Variants in MAGEA8 observed in about 807,000 individuals in gnomAD.
The protein encoded by MAGEA8 is melanoma-associated antigen 8.
For missense variants in MAGEA8, 229 were observed against 251.1 expected (o/e 0.91, Z 0.59); for synonymous variants, 104 against 102.6 (o/e 1.01, Z -0.08).
chrX:149,884,096 G>T lies in MAGEA8; in HGVS notation c.-102G>T. The T allele has an allele frequency of 2.3e-6, 1 of 430,384 alleles. No individual in the cohort carries two copies. 35.5% of individuals were successfully genotyped at this position (430,384 alleles called of 1,213,427 possible). On this transcript the variant is annotated 5_prime_UTR_variant, in exon 2 of 3. In the 5' UTR this introduces an upstream ATG that the reference lacks. Coordinates refer to ENST00000286482, the MANE Select transcript of MAGEA8 (RefSeq NM_005364.5). ...AGGTTCGCAGAGAACAGGCCAGCCA[G>T]GAGGTCAGGAGGCCCCAGAGAAGCA...
At position 149,884,725 on chromosome X, in the gene MAGEA8, T is replaced by C; in HGVS notation, c.453T>C (p.Pro151=). 8.3e-7 allele frequency: 1 copy of C among 1,211,656 alleles called. No individual in the cohort carries two copies. Among genetic ancestry groups the C allele is most frequent in the South Asian group, 1.8e-5 (1 of 56,967 alleles). Reference sequence around the variant, plus strand: ...TCAAAAATTACAAGAACCACTTTCCTGATATCTTCAGCAAAGCCTCTGAGT... The same window carrying C: ...TCAAAAATTACAAGAACCACTTTCCCGATATCTTCAGCAAAGCCTCTGAGT... ...SVIKNYKNHF[P]DIFSKASECM... The change falls in exon 3 of 3, where the codon CCT becomes CCC. Residue 151 remains proline, a synonymous_variant. Transcript: ENST00000286482.
rs143187496 is a variant in MAGEA8, at chrX:149,885,174, G to A, written c.902G>A (p.Arg301His). ...GTGGTCAGGGTCAATGCAAGAGTTCGCATTTCCTACCCATCCCTGCATGAA... is the reference window on the plus strand; with the variant it reads ...GTGGTCAGGGTCAATGCAAGAGTTCACATTTCCTACCCATCCCTGCATGAA... ...EHVVRVNARV[R>H]ISYPSLHEEA... The change falls in exon 3 of 3, where the codon CGC (arginine) becomes CAC (histidine). Residue 301 changes from arginine (R) to histidine (H), a missense_variant. By Grantham distance (29) the Arg-to-His change is conservative. Transcript: ENST00000286482. 58 of 1,205,546 alleles carry A rather than the reference G, an allele frequency of 4.8e-5. No homozygotes were observed. The highest frequency in any genetic ancestry group is 4.7e-4 in the South Asian group (26 of 55,804).
rs782817898 is a variant in MAGEA8 at position 149,885,229 on chromosome X, A to G, written c.957A>G (p.Ter319TrpextTer42). Reference sequence around the variant, plus strand: ...CTTTGGGAGAGGAGAAAGGAGTTTGAGCAGGAGTTGCAGCTAGGGCCAGTG... The same window carrying G: ...CTTTGGGAGAGGAGAAAGGAGTTTGGGCAGGAGTTGCAGCTAGGGCCAGTG... ...EEALGEEKGV* is the reference protein window; with the variant it reads ...EEALGEEKGVW Residue 319 changes from the stop codon to tryptophan, a stop_lost, in exon 3 of 3, where the codon TGA (stop) becomes TGG (tryptophan). Coordinates refer to ENST00000286482, the MANE Select transcript of MAGEA8 (RefSeq NM_005364.5). The G allele has an allele frequency of 8.5e-7, 1 of 1,178,749 alleles. No individual in the cohort carries two copies.
In MAGEA8 at chrX:149,885,303, C is replaced by A; in HGVS notation, c.*74C>A. The A allele has an allele frequency of 1.3e-6, 1 of 749,232 alleles. No homozygotes were observed. The highest frequency in any genetic ancestry group is 2.0e-6 in the Non-Finnish European group (1 of 503,583). The allele number at this position is 749,232 out of a possible 1,213,427, so 61.7% of individuals were successfully genotyped here. A position where few individuals can be genotyped will look rare whatever the true frequency, so the allele number is the denominator to read the frequency against. On this transcript the variant is annotated 3_prime_UTR_variant, in exon 3 of 3. Coordinates refer to ENST00000286482, the MANE Select transcript of MAGEA8 (RefSeq NM_005364.5). Reference sequence around the variant, plus strand: ...GCCAGTGCACGTTCCAGGGCCACATCCACCACTTTCCCTGCTCTGTTACAT... The same window carrying A: ...GCCAGTGCACGTTCCAGGGCCACATACACCACTTTCCCTGCTCTGTTACAT...
intron 1 of MAGEA8, chrX:149,882,927 A>G (rs1171069578): frequency 1.8e-5 from 2 of 111,348 alleles, no homozygotes; most frequent in Admixed American, 9.4e-5. Context: ...ATCTCAGGGA[A>G]GTGAGGACCT....
intron 1 of MAGEA8, among the ~76,000 whole-genome samples, chrX:149,882,372 T>A (rs998337199): frequency 7.2e-5 from 8 of 111,451 alleles, no homozygotes; most frequent in Admixed American, 1.9e-4. Flanking sequence ...ACCTACTACT[T>A]CTGTCAGCCG....
intron 1 of MAGEA8, among the ~76,000 whole-genome samples, chrX:149,882,801 C>T (rs1310774913): frequency 9.1e-6 from 1 of 110,458 alleles, no homozygotes; most frequent in African/African-American, 3.3e-5. Flanking sequence ...ATGAATAACC[C>T]CCTGAAGACC....
chrX:149,882,445 G>T (rs1007678094), intron 1 of MAGEA8, among the ~76,000 whole-genome samples: 11 of 111,583 alleles, frequency 9.9e-5, no homozygotes, highest in Non-Finnish European at 2.1e-4. Flanking sequence ...GGGTCTCAGG[G>T]AGGTAGCAAC....
rs782766025 is a variant in MAGEA8, at chrX:149,884,410, C to G, written c.138C>G (p.Ile46Met). Reference sequence around the variant, plus strand: ...CTGCATCCTCCTCCTCTACTCTGATCATGGGAACCCTTGAGGAGGTGACTG... The same window carrying G: ...CTGCATCCTCCTCCTCTACTCTGATGATGGGAACCCTTGAGGAGGTGACTG... ...QKAASSSSTL[I>M]MGTLEEVTDS... The change falls in exon 3 of 3, where the codon ATC becomes ATG. Residue 46 changes from isoleucine to methionine, a missense_variant. Physicochemically the swap from Ile to Met is conservative, Grantham distance 10. Coordinates refer to ENST00000286482, the MANE Select transcript of MAGEA8 (RefSeq NM_005364.5). The G allele has an allele frequency of 8.3e-7, 1 of 1,209,595 alleles. No homozygotes were observed. Among genetic ancestry groups the G allele is most frequent in the South Asian group, 1.8e-5 (1 of 56,733 alleles).
rs2090758719 is a variant in MAGEA8, at chrX:149,885,726, T to C, written c.*497T>C. On this transcript the variant is annotated 3_prime_UTR_variant, in exon 3 of 3. Coordinates refer to ENST00000286482, the MANE Select transcript of MAGEA8 (RefSeq NM_005364.5). ...ATAAAGACATAAAGAAATTAAACAA[T>C]AGTTAATTCTTGCCTTACCTGTACC... 6.7e-6 allele frequency: 1 copy of C among 149,338 alleles called. No homozygotes were observed. Among genetic ancestry groups the C allele is most frequent in the African/African-American group, 3.1e-5 (1 of 32,202 alleles). 12.3% of individuals were successfully genotyped at this position (149,338 alleles called of 1,213,427 possible). A position where few individuals can be genotyped will look rare whatever the true frequency, so the allele number is the denominator to read the frequency against.
In MAGEA8 at chrX:149,885,088, C is replaced by T. The variant is rs45497502; in HGVS notation, c.816C>T (p.Tyr272=). 7 of 1,211,672 alleles carry T rather than the reference C, an allele frequency of 5.8e-6. No individual in the cohort carries two copies. Among genetic ancestry groups the T allele is most frequent in the Admixed American group, 2.2e-5 (1 of 46,080 alleles). ...CGCCCGGCAGTGATCCTGTGCGCTACGAGTTCCTGTGGGGTCCAAGGGCCC... is the reference window on the plus strand; with the variant it reads ...CGCCCGGCAGTGATCCTGTGCGCTATGAGTTCCTGTGGGGTCCAAGGGCCC... ...RQAPGSDPVR[Y]EFLWGPRALA... is the part of the protein sequence containing the mutation. Residue 272 remains tyrosine, a synonymous_variant, in exon 3 of 3, where the codon TAC becomes TAT. Transcript: ENST00000286482.
Position 149,885,589 on chromosome X carries a change from C to CT in MAGEA8, c.*364dup. Reference sequence around the variant, plus strand: ...ATATAGTTTAGGAGTAAGAGTCTTGCTTTTCATTTATACTGGGAAACCCAT... The same window carrying CT: ...ATATAGTTTAGGAGTAAGAGTCTTGCTTTTTCATTTATACTGGGAAACCCAT... On this transcript the variant is annotated 3_prime_UTR_variant, in exon 3 of 3. Coordinates refer to ENST00000286482, the MANE Select transcript of MAGEA8 (RefSeq NM_005364.5). 3.4e-6 allele frequency: 1 copy of CT among 297,034 alleles called. No individual in the cohort carries two copies. 24.5% of individuals were successfully genotyped at this position (297,034 alleles called of 1,213,427 possible). A position where few individuals can be genotyped will look rare whatever the true frequency, so the allele number is the denominator to read the frequency against.
At chrX:149,882,114 T>C (rs1436071718) in intron 1 of MAGEA8, among the ~76,000 whole-genome samples, 1 of 110,091 alleles carries the variant, frequency 9.1e-6, no homozygotes, top group Non-Finnish European at 1.9e-5. Context: ...CCAGAGCCCT[T>C]AAGGAGGACT....
At chrX:149,881,673 T>TGGCGGCCGGGCATGGCGGC (rs1557370550) in intron 1 of MAGEA8, among the ~76,000 whole-genome samples, 5 of 65,854 alleles carry the variant, frequency 7.6e-5, no homozygotes, top group African/African-American at 2.3e-4. Flanking sequence ...GCGGCCGGGC[T>TGGCGGCCGGGCATGGCGGC]CGCTGATTCT....
chrX:149,882,141 A>G (rs188488293), intron 1 of MAGEA8, among the ~76,000 whole-genome samples: 7 of 110,410 alleles, frequency 6.3e-5, no homozygotes, highest in Non-Finnish European at 1.3e-4. Context: ...ACCTCCCATC[A>G]TGGCCTAGGA....
rs782418285 is a variant in MAGEA8, at chrX:149,884,620, G to A, written c.348G>A (p.Val116=). ...TCCGGGAAGCACTTGATGAGAAAGT[G>A]GCTGAGTTAGTTCGTTTCCTGCTCC... ...SLFREALDEK[V]AELVRFLLRK... Residue 116 remains valine (V), a synonymous_variant, in exon 3 of 3, where the codon GTG becomes GTA. Transcript: ENST00000286482. The A allele has an allele frequency of 1.9e-5, 23 of 1,209,530 alleles. No individual in the cohort carries two copies. In the Admixed American group the frequency reaches 5.0e-4, roughly 26 times the overall value.
In MAGEA8 at chrX:149,884,731, C is replaced by T; in HGVS notation, c.459C>T (p.Ile153=). 8.3e-7 allele frequency: 1 copy of T among 1,211,267 alleles called. No homozygotes were observed. Among genetic ancestry groups the T allele is most frequent in the Non-Finnish European group, 1.1e-6 (1 of 894,924 alleles). The change falls in exon 3 of 3, where the codon ATC becomes ATT. Residue 153 remains isoleucine, a synonymous_variant. Coordinates refer to ENST00000286482, the MANE Select transcript of MAGEA8 (RefSeq NM_005364.5). The part of the protein sequence containing the change: ...IKNYKNHFPD[I]FSKASECMQV... ...ATTACAAGAACCACTTTCCTGATATCTTCAGCAAAGCCTCTGAGTGCATGC... is the reference window on the plus strand; with the variant it reads ...ATTACAAGAACCACTTTCCTGATATTTTCAGCAAAGCCTCTGAGTGCATGC...
At position 149,884,590 on chromosome X, in the gene MAGEA8, C is replaced by T; in HGVS notation, c.318C>T (p.Ser106=). The T allele has an allele frequency of 1.7e-6, 2 of 1,210,654 alleles. No individual in the cohort carries two copies. The highest frequency in any genetic ancestry group is 2.2e-6 in the Non-Finnish European group (2 of 894,807). Residue 106 remains serine, a synonymous_variant, in exon 3 of 3, where the codon TCC becomes TCT. Coordinates refer to ENST00000286482, the MANE Select transcript of MAGEA8 (RefSeq NM_005364.5). ...CCCCGGACCCAGCTCACCTGGAGTC[C>T]CTGTTCCGGGAAGCACTTGATGAGA... ...STSPDPAHLE[S]LFREALDEKV...
intron 1 of MAGEA8, among the ~76,000 whole-genome samples, chrX:149,882,728 G>A (rs373241733): frequency 1.5e-4 from 17 of 111,010 alleles, no homozygotes; most frequent in African/African-American, 5.6e-4. Flanking sequence ...GGTGGTAAGG[G>A]GAGATGTCTG....
Sources: allele counts gnomAD v4.1 joint callset (sites outside exome capture counted in the v4.1 genomes callset), GRCh38; gene constraint gnomAD v4.1.1; transcripts MANE v1.5; gene names NCBI Gene and HGNC (gene_info 2026-07-23, HGNC 2026-07-21).